WNT7B: variants seen among roughly 807,000 people sequenced by gnomAD.
WNT7B encodes the protein Wnt family member 7B.
A neutral mutation model predicts 38.2 loss-of-function variants in WNT7B; 19 were observed. The observed-to-expected ratio is 0.50, with a 90% CI of 0.35 to 0.73. The LOEUF is 0.73. Ranked by LOEUF, WNT7B falls within the 30% of genes least tolerant of loss-of-function variation. WNT7B has a pLI of 0.01. For missense variants in WNT7B, 423 were observed against 507.9 expected (o/e 0.83, Z 1.61); for synonymous variants, 243 against 209.3 (o/e 1.16, Z -1.39).
intron 2 of WNT7B, among the ~76,000 whole-genome samples, chr22:45,934,993 G>C (rs1224083175): frequency 6.6e-6 from 1 of 152,208 alleles, no homozygotes; most frequent in African/African-American, 2.4e-5. Context: ...CCACGGGGGA[G>C]GGCCCGTTAC....
chr22:45,928,694 A>C (rs1393551511), intron 3 of WNT7B, among the ~76,000 whole-genome samples: 2 of 151,798 alleles, frequency 1.3e-5, no homozygotes, highest in Non-Finnish European at 2.9e-5. Flanking sequence ...CAAGTCCCAC[A>C]CCAAGTCAGC....
Position 45,922,589 on chromosome 22 carries a change from GAGCACCAAGA to G in WNT7B, c.*257_*266del, listed in dbSNP as rs1004722080. 7.9e-6 allele frequency: 4 copies of G among 508,694 alleles called. No individual in the cohort carries two copies. Among genetic ancestry groups the G allele is most frequent in the African/African-American group, 5.7e-5 (3 of 52,504 alleles). The allele number at this position is 508,694 out of a possible 1,614,324, so 31.5% of individuals were successfully genotyped here. A position where few individuals can be genotyped will look rare whatever the true frequency, so the allele number is the denominator to read the frequency against. On this transcript the variant is annotated 3_prime_UTR_variant, in exon 4 of 4. Coordinates refer to ENST00000339464, the MANE Select transcript of WNT7B (RefSeq NM_058238.3). ...AGAGAACTTGCCGGGCCCCGTCGGG[GAGCACCAAGA>G]CCCCTGGCCTTGCTCTCTGGGTGGG... is the stretch of plus-strand genomic sequence containing the variant.
chr22:45,935,742 C>T (rs1367504574), intron 2 of WNT7B: 8 of 895,278 alleles, frequency 8.9e-6, no homozygotes, highest in Non-Finnish European at 1.1e-5. Context: ...TCCAAGACAG[C>T]CCCATTCTGA....
chr22:45,943,917 TG>T lies in WNT7B; in HGVS notation c.298+6002del, dbSNP rs1450817897. On this transcript the variant is annotated intron_variant, in intron 2 of 3. Coordinates refer to ENST00000339464, the MANE Select transcript of WNT7B (RefSeq NM_058238.3). Reference sequence around the variant, plus strand: ...GGGGCCCTACCCACCCCGGGGTCTGTGTCCTGCCTCAGTGGCCCAGGGCTCT... The same window carrying T: ...GGGGCCCTACCCACCCCGGGGTCTGTTCCTGCCTCAGTGGCCCAGGGCTCT... 1.5e-4 allele frequency among the ~76,000 whole-genome samples: 23 copies of T among 152,266 alleles called. 1 individual carries two copies. The highest frequency in any genetic ancestry group is 8.8e-5 in the Non-Finnish European group (6 of 67,998).
intron 1 of WNT7B, among the ~76,000 whole-genome samples, chr22:45,955,887 C>T (rs1932047649): frequency 6.6e-6 from 1 of 152,224 alleles, no homozygotes; most frequent in South Asian, 2.1e-4. Context: ...CAGGAGCTTC[C>T]TGAGGTGCAT....
chr22:45,937,115 T>C (rs1931533010), intron 2 of WNT7B, among the ~76,000 whole-genome samples: 1 of 152,148 alleles, frequency 6.6e-6, no homozygotes, highest in Admixed American at 6.5e-5. Context: ...GGGAAGGCCC[T>C]TGGGGACCAT....
chr22:45,926,764 A>G lies in WNT7B; in HGVS notation c.571-3429T>C, dbSNP rs142331648. On this transcript the variant is annotated intron_variant, in intron 3 of 3. Coordinates refer to ENST00000339464, the MANE Select transcript of WNT7B (RefSeq NM_058238.3). Reference sequence around the variant, plus strand: ...CAGCACACGTCTGCTTCACCCTCTGACCACGAGCCCACAGAGTGGACTGAA... The same window carrying G: ...CAGCACACGTCTGCTTCACCCTCTGGCCACGAGCCCACAGAGTGGACTGAA... 1,842 of 985,362 alleles carry G rather than the reference A, an allele frequency of 1.9e-3. 3 individuals carry two copies. The highest frequency in any genetic ancestry group is 2.1e-3 in the Non-Finnish European group (1,773 of 829,910). The allele number at this position is 985,362 out of a possible 1,614,324, so 61.0% of individuals were successfully genotyped here.
At chr22:45,974,986 T>C (rs186718504) in intron 1 of WNT7B, among the ~76,000 whole-genome samples, 7 of 152,160 alleles carry the variant, frequency 4.6e-5, no homozygotes, top group Non-Finnish European at 1.0e-4. Context: ...TCCCACCCAC[T>C]CACTCGTGGG....
intron 3 of WNT7B, among the ~76,000 whole-genome samples, chr22:45,929,672 CCTTCCCTCCATACTT>C (rs1931244762): frequency 7.0e-6 from 1 of 142,876 alleles, no homozygotes; most frequent in African/African-American, 2.9e-5. Context: ...ACCCGCCCAT[CCTTCCCTCCATACTT>C]CCATCCACCC....
rs897392861 is a variant in WNT7B at position 45,965,794 on chromosome 22, G to A, written c.71+10890C>T. Among the ~76,000 whole-genome samples the A allele has an allele frequency of 2.6e-5, 4 of 152,176 alleles. No individual in the cohort carries two copies. The highest frequency in any genetic ancestry group is 9.7e-5 in the African/African-American group (4 of 41,434). ...CAGCCCCTGCAACCTTGAGACCCTC[G>A]CTCAGGGCCCCGGGGACTCTTGGTC... is the stretch of plus-strand genomic sequence containing the variant. On this transcript the variant is annotated intron_variant, in intron 1 of 3. Coordinates refer to ENST00000339464, the MANE Select transcript of WNT7B (RefSeq NM_058238.3). The surrounding 1 kb of genome is among the most constrained non-coding windows in gnomAD (Gnocchi z 6.5).
At chr22:45,926,372 G>A (rs1384489042) in intron 3 of WNT7B, 3 of 985,264 alleles carry the variant, frequency 3.0e-6, no homozygotes, top group South Asian at 4.7e-5. Flanking sequence ...GTTCCTCCTC[G>A]ACGCTGGGGG....
chr22:45,931,390 A>G (rs1931353287), intron 2 of WNT7B, 21 bp from the exon 3 acceptor site: 1 of 1,567,222 alleles, frequency 6.4e-7, no homozygotes, highest in Non-Finnish European at 8.6e-7. Flanking sequence ...AGACAGGTGC[A>G]GAAGGTGAGA....
At chr22:45,946,259 C>T (rs1470239295) in intron 2 of WNT7B, among the ~76,000 whole-genome samples, 1 of 152,200 alleles carries the variant, frequency 6.6e-6, no homozygotes, top group Non-Finnish European at 1.5e-5. Flanking sequence ...GGCTTTCTGG[C>T]CCCAGAGCCT....
rs1932288566 is a variant in WNT7B at position 45,965,319 on chromosome 22, T to C, written c.71+11365A>G. Among the ~76,000 whole-genome samples the C allele has an allele frequency of 6.6e-6, 1 of 152,132 alleles. No individual in the cohort carries two copies. The highest frequency in any genetic ancestry group is 2.4e-5 in the African/African-American group (1 of 41,430). On this transcript the variant is annotated intron_variant, in intron 1 of 3. Transcript: ENST00000339464. The surrounding 1 kb of genome is among the most constrained non-coding windows in gnomAD (Gnocchi z 6.5). ...CTCCTGCTGTGGGTCCCACAGGGCT[T>C]TGTGTCAACGACGCTGGAAGGCAGG...
chr22:45,970,519 C>T (rs192000956), intron 1 of WNT7B, among the ~76,000 whole-genome samples: 5 of 152,246 alleles, frequency 3.3e-5, no homozygotes, highest in African/African-American at 1.2e-4. Context: ...TCCCTCTCTC[C>T]GACCCTTACC....
At chr22:45,935,319 G>T (rs1372607309) in intron 2 of WNT7B, among the ~76,000 whole-genome samples, 1 of 152,210 alleles carries the variant, frequency 6.6e-6, no homozygotes. Context: ...GGCCCCCAAG[G>T]CCCCAGAGGC....
Position 45,976,534 on chromosome 22 carries a change from G to A in WNT7B, c.71+150C>T. On this transcript the variant is annotated intron_variant, in intron 1 of 3. Coordinates refer to ENST00000339464, the MANE Select transcript of WNT7B (RefSeq NM_058238.3). This position sits in a 1 kb window ranked among gnomAD's most constrained non-coding sequence, Gnocchi z 8.5. ...GTTGGGCTGCGTCTCTGCTGGCGTGGGGCGAGGGTCTGACACACGGGCCAG... is the reference window on the plus strand; with the variant it reads ...GTTGGGCTGCGTCTCTGCTGGCGTGAGGCGAGGGTCTGACACACGGGCCAG... The A allele has an allele frequency of 3.8e-6, 3 of 794,694 alleles. No homozygotes were observed. Among genetic ancestry groups the A allele is most frequent in the Non-Finnish European group, 6.0e-6 (3 of 503,520 alleles). 49.2% of individuals were successfully genotyped at this position (794,694 alleles called of 1,614,324 possible).
rs75965146 is a variant in WNT7B at position 45,927,455 on chromosome 22, C to T, written c.570+3643G>A. On this transcript the variant is annotated intron_variant, in intron 3 of 3. Transcript: ENST00000339464. Reference sequence around the variant, plus strand: ...GCCAGCTAGGGGAACGGCATAGCAACCCCCCAAATTCATGTCTGCTCAGAG... The same window carrying T: ...GCCAGCTAGGGGAACGGCATAGCAATCCCCCAAATTCATGTCTGCTCAGAG... The T allele has an allele frequency of 1.2e-3, 1,870 of 1,548,590 alleles. 24 individuals are homozygous for T. The African/African-American group carries it at 0.024, about 20-fold the overall frequency.
chr22:45,969,542 G>A (rs1932386467), intron 1 of WNT7B, among the ~76,000 whole-genome samples: 1 of 152,222 alleles, frequency 6.6e-6, no homozygotes, highest in Admixed American at 6.5e-5. Flanking sequence ...ACTGACAACA[G>A]AGCTCTGCAC....
Sources: gnomAD v4.1 joint callset for allele counts (sites outside exome capture counted in the v4.1 genomes callset) on GRCh38, gnomAD v4.1.1 for gene constraint, Gnocchi (gnomAD v3.1) non-coding constraint, MANE v1.5 for transcripts, NCBI Gene and HGNC (gene_info 2026-07-23, HGNC 2026-07-21) for gene names.